C18orf32: variants seen among roughly 807,000 people sequenced by gnomAD.
C18orf32 encodes chromosome 18 open reading frame 32.
C18orf32 carries 5 observed loss-of-function variants against 7.4 expected under a neutral mutation model. The ratio of observed to expected loss-of-function variants is 0.68; its 90% CI spans 0.35 to 1.42. The LOEUF (loss-of-function observed/expected upper bound fraction) is 1.42. C18orf32 is among the 40% of genes most tolerant of loss of function. The pLI, the probability that C18orf32 is intolerant of heterozygous loss-of-function variation, is 0.04. For missense variants in C18orf32, 88 were observed against 92.4 expected (o/e 0.95, Z 0.19); for synonymous variants, 30 against 29.3 (o/e 1.02, Z -0.08).
chr18:49,483,365 T>C (rs1568495247), intron 2 of C18orf32, among the ~76,000 whole-genome samples: 1 of 152,256 alleles, frequency 6.6e-6, no homozygotes, highest in Non-Finnish European at 1.5e-5. Context: ...ATCCATTAGC[T>C]ATTTACCATT....
At chr18:49,486,129 C>T (rs1210262440) in intron 1 of C18orf32, 1 of 151,452 alleles carries the variant, frequency 6.6e-6, no homozygotes, top group Admixed American at 6.6e-5. Context: ...GTCCAAAGTT[C>T]TCACAGAGGT....
Position 49,479,482 on chromosome 18 carries a change from C to T in C18orf32, c.*2863G>A, listed in dbSNP as rs2083643333. ...AACCTGTGCAGTGAGCAATAGTATT[C>T]TCCCAGGCAGTGTCCCAGCAAGCCA... is the stretch of plus-strand genomic sequence containing the variant. On this transcript the variant is annotated 3_prime_UTR_variant, in exon 3 of 3. Coordinates refer to ENST00000318240, the MANE Select transcript of C18orf32 (RefSeq NM_001035005.4). 6.6e-6 allele frequency: 1 copy of T among 152,470 alleles called. No homozygotes were observed. The highest frequency in any genetic ancestry group is 2.4e-5 in the African/African-American group (1 of 41,472). 9.4% of individuals were successfully genotyped at this position (152,470 alleles called of 1,614,324 possible).
At chr18:49,485,792 T>C (rs2083735375) in intron 1 of C18orf32, among the ~76,000 whole-genome samples, 1 of 152,060 alleles carries the variant, frequency 6.6e-6, no homozygotes. Flanking sequence ...CGACAGATTT[T>C]TTAATTCTTA....
Position 49,481,940 on chromosome 18 carries a change from G to T in C18orf32, c.*405C>A. The T allele has an allele frequency of 5.1e-6, 1 of 196,728 alleles. No homozygotes were observed. The highest frequency in any genetic ancestry group is 8.6e-5 in the South Asian group (1 of 11,616). The allele number at this position is 196,728 out of a possible 1,614,324, so 12.2% of individuals were successfully genotyped here. A position where few individuals can be genotyped will look rare whatever the true frequency, so the allele number is the denominator to read the frequency against. On this transcript the variant is annotated 3_prime_UTR_variant, in exon 3 of 3. Coordinates refer to ENST00000318240, the MANE Select transcript of C18orf32 (RefSeq NM_001035005.4). ...TTCATTTCCCTGCACAGTTTCACTGGACTGTTTCACAACAAAATTGTACTC... is the reference window on the plus strand; with the variant it reads ...TTCATTTCCCTGCACAGTTTCACTGTACTGTTTCACAACAAAATTGTACTC...
intron 2 of C18orf32, among the ~76,000 whole-genome samples, chr18:49,483,298 T>A (rs565981270): frequency 6.6e-6 from 1 of 152,270 alleles, no homozygotes; most frequent in Admixed American, 6.5e-5. Flanking sequence ...TCTAATTAAA[T>A]CTCTTATCAA....
In C18orf32 at chr18:49,480,979, T is replaced by G. The variant is rs936107403; in HGVS notation, c.*1366A>C. The G allele has an allele frequency of 1.4e-4, 21 of 148,940 alleles. No individual in the cohort carries two copies. Among genetic ancestry groups the G allele is most frequent in the Admixed American group, 4.7e-4 (7 of 15,016 alleles). 9.2% of individuals were successfully genotyped at this position (148,940 alleles called of 1,614,324 possible). ...TACAACAACAACAACAAAAAAACAATTGGTTACCTCTGTGGAGCTGGAATA... is the reference window on the plus strand; with the variant it reads ...TACAACAACAACAACAAAAAAACAAGTGGTTACCTCTGTGGAGCTGGAATA... On this transcript the variant is annotated 3_prime_UTR_variant, in exon 3 of 3. Transcript: ENST00000318240.
Position 49,482,251 on chromosome 18 carries a change from G to T in C18orf32, c.*94C>A, listed in dbSNP as rs1411895915. ...ATCTAGACTCCTATCCTGAATTCCG[G>T]TCTCAGATAAAAAGGTCAGAGACAA... On this transcript the variant is annotated 3_prime_UTR_variant, in exon 3 of 3. Transcript: ENST00000318240. 4.7e-6 allele frequency: 4 copies of T among 856,488 alleles called. No homozygotes were observed. Among genetic ancestry groups the T allele is most frequent in the Non-Finnish European group, 7.9e-6 (4 of 506,296 alleles). 53.1% of individuals were successfully genotyped at this position (856,488 alleles called of 1,614,324 possible). A position where few individuals can be genotyped will look rare whatever the true frequency, so the allele number is the denominator to read the frequency against.
rs1033071223 is a variant in C18orf32 at position 49,483,177 on chromosome 18, T to A, written c.165+407A>T. ...TCCAGAAACGGGCCGGATGGCTAAA[T>A]TAGTGCAGCTGAGTACAAAGCTGAA... is the stretch of plus-strand genomic sequence containing the variant. On this transcript the variant is annotated intron_variant, in intron 2 of 2. Coordinates refer to ENST00000318240, the MANE Select transcript of C18orf32 (RefSeq NM_001035005.4). Among the ~76,000 whole-genome samples the A allele has an allele frequency of 2.6e-5, 4 of 152,168 alleles. 1 individual carries two copies. The South Asian group carries it at 8.3e-4, about 31-fold the overall frequency.
In C18orf32 at chr18:49,479,930, T is replaced by C. The variant is rs2083647086; in HGVS notation, c.*2415A>G. The C allele has an allele frequency of 6.6e-6, 1 of 152,112 alleles. No homozygotes were observed. Among genetic ancestry groups the C allele is most frequent in the African/African-American group, 2.4e-5 (1 of 41,388 alleles). 9.4% of individuals were successfully genotyped at this position (152,112 alleles called of 1,614,324 possible). ...ATGAACACTGATGATGTAAGCAAAATTTACAAAAGCACTTGGGAGGATGTG... is the reference window on the plus strand; with the variant it reads ...ATGAACACTGATGATGTAAGCAAAACTTACAAAAGCACTTGGGAGGATGTG... On this transcript the variant is annotated 3_prime_UTR_variant, in exon 3 of 3. Coordinates refer to ENST00000318240, the MANE Select transcript of C18orf32 (RefSeq NM_001035005.4).
At chr18:49,485,283 G>A (rs977693445) in intron 1 of C18orf32, among the ~76,000 whole-genome samples, 2 of 152,142 alleles carry the variant, frequency 1.3e-5, no homozygotes, top group African/African-American at 4.8e-5. Context: ...GGCTGGGCGC[G>A]GTGGCTCACG....
At chr18:49,483,173 T>C (rs2083685751) in intron 2 of C18orf32, among the ~76,000 whole-genome samples, 1 of 152,178 alleles carries the variant, frequency 6.6e-6, no homozygotes, top group Non-Finnish European at 1.5e-5. Flanking sequence ...GCCGGATGGC[T>C]AAATTAGTGC....
At chr18:49,485,586 AAAATC>A (rs1238123552) in intron 1 of C18orf32, among the ~76,000 whole-genome samples, 4 of 151,998 alleles carry the variant, frequency 2.6e-5, no homozygotes, top group Non-Finnish European at 5.9e-5. Context: ...AAAATAAAAT[AAAATC>A]AATTGCTGGG....
At chr18:49,482,895 T>A (rs1415318091) in intron 2 of C18orf32, among the ~76,000 whole-genome samples, 1 of 149,282 alleles carries the variant, frequency 6.7e-6, no homozygotes, top group Admixed American at 6.7e-5. Context: ...GCCACCCAGG[T>A]TCAAGCAATT....
intron 1 of C18orf32, 103 bp from the exon 2 acceptor site, chr18:49,483,874 C>A: frequency 2.2e-6 from 3 of 1,348,526 alleles, no homozygotes; most frequent in East Asian, 2.5e-5. Context: ...TGGTGGCTCA[C>A]GCCTGTAATC....
chr18:49,485,692 G>C (rs2083734189), intron 1 of C18orf32, among the ~76,000 whole-genome samples: 2 of 151,650 alleles, frequency 1.3e-5, no homozygotes. Flanking sequence ...TGTGTTCAGA[G>C]TTCACTGCAG....
At position 49,477,352 on chromosome 18, in the gene C18orf32, C is replaced by T. The variant is rs2083628056; in HGVS notation, c.*4993G>A. 1 of 150,342 alleles carries T rather than the reference C, an allele frequency of 6.7e-6. No homozygotes were observed. The highest frequency in any genetic ancestry group is 1.5e-5 in the Non-Finnish European group (1 of 68,088). 9.3% of individuals were successfully genotyped at this position (150,342 alleles called of 1,614,324 possible). The stretch of plus-strand genomic sequence containing the variant: ...CTTGGCTCACTGCAACTTCCGCCTC[C>T]TGGACTTAAGCGATCCTCTCACCTC... On this transcript the variant is annotated 3_prime_UTR_variant, in exon 3 of 3. Transcript: ENST00000318240.
intron 1 of C18orf32, among the ~76,000 whole-genome samples, chr18:49,484,165 TATACACACAC>T (rs1197151608): frequency 6.8e-5 from 6 of 88,080 alleles, no homozygotes; most frequent in South Asian, 4.2e-4. Flanking sequence ...TATATATATA[TATACACACAC>T]ACACACACAC....
Position 49,483,783 on chromosome 18 carries a change from T to C in C18orf32, c.-23-12A>G. ...CTTGAGCTCCTCAACTGTTGATATA[T>C]GTGAAGAAAAAAATTAGTTCATCAC... On this transcript the variant is annotated splice_polypyrimidine_tract_variant and intron_variant, in intron 1 of 2. Transcript: ENST00000318240. 5.1e-6 allele frequency: 8 copies of C among 1,581,790 alleles called. No homozygotes were observed. Among genetic ancestry groups the C allele is most frequent in the Non-Finnish European group, 6.0e-6 (7 of 1,171,860 alleles).
At position 49,480,595 on chromosome 18, in the gene C18orf32, T is replaced by C. The variant is rs956321069; in HGVS notation, c.*1750A>G. ...GCCCAGGCAACATGACGAAACCCTG[T>C]CTCTATAAAAAAAATTACAAAAAAC... is the stretch of plus-strand genomic sequence containing the variant. On this transcript the variant is annotated 3_prime_UTR_variant, in exon 3 of 3. Transcript: ENST00000318240. 6.6e-6 allele frequency: 1 copy of C among 151,912 alleles called. No individual in the cohort carries two copies. The highest frequency in any genetic ancestry group is 2.4e-5 in the African/African-American group (1 of 41,324). 9.4% of individuals were successfully genotyped at this position (151,912 alleles called of 1,614,324 possible). A position where few individuals can be genotyped will look rare whatever the true frequency, so the allele number is the denominator to read the frequency against.
Sources: allele counts gnomAD v4.1 joint callset (sites outside exome capture counted in the v4.1 genomes callset), GRCh38; gene constraint gnomAD v4.1.1; transcripts MANE v1.5; gene names NCBI Gene and HGNC (gene_info 2026-07-23, HGNC 2026-07-21).